The following SEC16A variants were observed in gnomAD, a reference collection of about 807,000 sequenced individuals.
SEC16A encodes SEC16 homolog A, endoplasmic reticulum export factor.
SEC16A carries 110 observed loss-of-function variants against 221.9 expected under a neutral mutation model. The ratio of observed to expected loss-of-function variants is 0.50; its 90% CI spans 0.42 to 0.58. The LOEUF (loss-of-function observed/expected upper bound fraction) is 0.58. SEC16A is among the 20% of genes least tolerant of loss of function. The probability of loss-of-function intolerance (pLI) is 0.00; values close to 1 mark genes in which losing one functional copy is unlikely to be tolerated. For missense variants in SEC16A, 3,165 were observed against 3,097.8 expected (o/e 1.02, Z -0.52); for synonymous variants, 1,393 against 1,257.7 (o/e 1.11, Z -2.28).
Position 136,459,037 on chromosome 9 carries a change from T to C in SEC16A, c.5409+97A>G. ...TCCCCCAAAAAACTCACATCATTTT[T>C]TTCGATACCAATTCAAACAATCTAA... is the stretch of plus-strand genomic sequence containing the variant. On this transcript the variant is annotated intron_variant, in intron 17 of 31. Coordinates refer to ENST00000684901, the MANE Select transcript of SEC16A (RefSeq NM_014866.2). This position sits in a 1 kb window ranked among gnomAD's most constrained non-coding sequence, Gnocchi z 6.1. 1.3e-6 allele frequency: 1 copy of C among 774,932 alleles called. No homozygotes were observed. Among genetic ancestry groups the C allele is most frequent in the Non-Finnish European group, 2.0e-6 (1 of 499,184 alleles). 48.0% of individuals were successfully genotyped at this position (774,932 alleles called of 1,614,324 possible).
In SEC16A at chr9:136,448,078, A is replaced by G. The variant is rs1185112146; in HGVS notation, c.6390+6T>C. The G allele has an allele frequency of 6.2e-7, 1 of 1,610,788 alleles. No homozygotes were observed. The highest frequency in any genetic ancestry group is 8.5e-7 in the Non-Finnish European group (1 of 1,177,676). ...GGACGTCCCGTGCGTATTTGACAGC[A>G]CTCACCGATTTGTTCTTGTCATCTG... On this transcript the variant is annotated splice_donor_region_variant and intron_variant, in intron 24 of 31. Transcript: ENST00000684901.
Position 136,466,909 on chromosome 9 carries a change from C to G in SEC16A, c.3929+48G>C. 1.3e-6 allele frequency: 2 copies of G among 1,585,332 alleles called. No individual in the cohort carries two copies. Among genetic ancestry groups the G allele is most frequent in the Non-Finnish European group, 1.7e-6 (2 of 1,167,388 alleles). The stretch of plus-strand genomic sequence containing the variant: ...ACATGAGGGCAGAGAAGCACTAGCG[C>G]GCCCTGGCTGCCCCCAGCCTCTGCC... On this transcript the variant is annotated intron_variant, in intron 6 of 31. Transcript: ENST00000684901. This position sits in a 1 kb window ranked among gnomAD's most constrained non-coding sequence, Gnocchi z 5.5.
At chr9:136,467,193 C>T (rs577133969) in intron 5 of SEC16A, 110 bp from the exon 6 acceptor site, 7 of 1,266,554 alleles carry the variant, frequency 5.5e-6, no homozygotes, top group African/African-American at 4.5e-5. Flanking sequence ...AAGGACTCCT[C>T]GAGAAACCCA....
rs1839266362 is a variant in SEC16A at position 136,460,067 on chromosome 9, G to A, written c.5048C>T (p.Ser1683Phe). ...DPLQTVYQLM[S>F]GRMPAASTCC... Reference sequence around the variant, plus strand: ...CGTGGACGCGGCAGGCATCCGTCCGGACATGAGCTGGTAGACTGTCTGCAG... The same window carrying A: ...CGTGGACGCGGCAGGCATCCGTCCGAACATGAGCTGGTAGACTGTCTGCAG... The change falls in exon 14 of 32, where the codon TCC (serine) becomes TTC (phenylalanine). Residue 1683 changes from serine to phenylalanine, a missense_variant. Coordinates refer to ENST00000684901, the MANE Select transcript of SEC16A (RefSeq NM_014866.2). The A allele has an allele frequency of 6.2e-7, 1 of 1,606,400 alleles. No homozygotes were observed. The highest frequency in any genetic ancestry group is 8.5e-7 in the Non-Finnish European group (1 of 1,176,578).
Position 136,477,450 on chromosome 9 carries a change from C to T in SEC16A, c.166G>A (p.Ala56Thr), listed in dbSNP as rs1209144461. The change falls in exon 3 of 32, where the codon GCT becomes ACT. Residue 56 changes from alanine to threonine, a missense_variant. Physicochemically the swap from Ala to Thr is moderately conservative, Grantham distance 58. This residue lies in a region of SEC16A where 2,030 missense variants were observed against 1,923.1 expected (regional missense o/e 1.06). Transcript: ENST00000684901. ...CPLQPVTDPF[A>T]FSRQALQSTP... Reference sequence around the variant, plus strand: ...CTTTGGAGCGCCTGTCTACTAAAAGCAAATGGATCCGTGACCGGCTGCAAC... The same window carrying T: ...CTTTGGAGCGCCTGTCTACTAAAAGTAAATGGATCCGTGACCGGCTGCAAC... 6.2e-7 allele frequency: 1 copy of T among 1,613,912 alleles called. No individual in the cohort carries two copies. Among genetic ancestry groups the T allele is most frequent in the Admixed American group, 1.7e-5 (1 of 60,004 alleles).
rs1838861147 is a variant in SEC16A, at chr9:136,457,592, G to A, written c.5410-8C>T. 2 of 1,606,136 alleles carry A rather than the reference G, an allele frequency of 1.2e-6. No individual in the cohort carries two copies. The highest frequency in any genetic ancestry group is 1.7e-5 in the Admixed American group (1 of 59,248). Reference sequence around the variant, plus strand: ...GTAGATGAACTTAAACACCTGAAACGACAGAAGCCTTGCTGCCCTGCGGCT... The same window carrying A: ...GTAGATGAACTTAAACACCTGAAACAACAGAAGCCTTGCTGCCCTGCGGCT... On this transcript the variant is annotated splice_polypyrimidine_tract_variant and splice_region_variant and intron_variant, in intron 17 of 31. Transcript: ENST00000684901.
In SEC16A at chr9:136,440,501, G is replaced by A. The variant is rs1359377066; in HGVS notation, c.*1254C>T. The A allele has an allele frequency of 6.5e-6, 1 of 152,672 alleles. No individual in the cohort carries two copies. The highest frequency in any genetic ancestry group is 1.5e-5 in the Non-Finnish European group (1 of 68,046). The allele number at this position is 152,672 out of a possible 1,614,324, so 9.5% of individuals were successfully genotyped here. ...ACACCAAACAGTTTGTATTCCTCCA[G>A]CAGAACCTACAGAAATTATCTACTG... On this transcript the variant is annotated 3_prime_UTR_variant, in exon 32 of 32. Transcript: ENST00000684901.
At position 136,476,484 on chromosome 9, in the gene SEC16A, C is replaced by A; in HGVS notation, c.1132G>T (p.Gly378Trp). ...TTCTCCTCATTTTCTGTCTCTCCCC[C>A]TTGGAAAAACATCGCCAGAGCTCCT... ...ASGALAMFFQ[G>W]GETENEENLS... Residue 378 changes from glycine (G) to tryptophan (W), a missense_variant, in exon 3 of 32, where the codon GGG becomes TGG. Gly to Trp is a radical substitution (Grantham distance 184). This residue lies in a region of SEC16A where 2,030 missense variants were observed against 1,923.1 expected (regional missense o/e 1.06). Transcript: ENST00000684901. 1 of 1,613,206 alleles carries A rather than the reference C, an allele frequency of 6.2e-7. No individual in the cohort carries two copies.
intron 9 of SEC16A, 121 bp from the exon 10 acceptor site, chr9:136,463,861 G>C (rs139749743): frequency 1.0e-6 from 1 of 999,656 alleles, no homozygotes; most frequent in Admixed American, 1.8e-5. Flanking sequence ...CACCTGCCCC[G>C]CCCCACAGCA....
At chr9:136,473,825 C>G (rs1470618531) in intron 3 of SEC16A, among the ~76,000 whole-genome samples, 1 of 152,208 alleles carries the variant, frequency 6.6e-6, no homozygotes, top group East Asian at 1.9e-4. Context: ...AAGATGCTAA[C>G]GCGTGGTGTG....
chr9:136,455,937 T>C (rs991625538), intron 19 of SEC16A, 116 bp downstream of exon 19: 5 of 1,178,346 alleles, frequency 4.2e-6, no homozygotes, highest in Non-Finnish European at 4.8e-6. Context: ...GGAATTCTCA[T>C]AGGCACACGT....
chr9:136,465,642 G>A (rs546736393), intron 8 of SEC16A, among the ~76,000 whole-genome samples: 2 of 152,320 alleles, frequency 1.3e-5, no homozygotes, highest in East Asian at 1.9e-4. Flanking sequence ...CCTCCTGCAC[G>A]CCTGCTGAGC....
At chr9:136,454,401 G>A (rs1192804745) in intron 20 of SEC16A, 74 bp from the exon 21 acceptor site, 15 of 1,331,084 alleles carry the variant, frequency 1.1e-5, no homozygotes, top group African/African-American at 4.4e-5. Context: ...GCTGACACTC[G>A]ACGTGTTTAT....
intron 5 of SEC16A, 36 bp from the exon 6 acceptor site, chr9:136,467,119 T>C (rs758974481): frequency 2.5e-6 from 4 of 1,612,272 alleles, no homozygotes; most frequent in Non-Finnish European, 3.4e-6. Flanking sequence ...TACAGTAACA[T>C]GCAAAAGAAG....
chr9:136,474,195 G>A lies in SEC16A; in HGVS notation c.3421C>T (p.Pro1141Ser). The A allele has an allele frequency of 3.7e-6, 6 of 1,612,084 alleles. No individual in the cohort carries two copies. Among genetic ancestry groups the A allele is most frequent in the African/African-American group, 2.7e-5 (2 of 75,056 alleles). ...GGGGCAAGTGCAGGCACTGGCTGTG[G>A]CCACGGCTGCTCTGACGGCACAGCT... Reference protein sequence around the residue: ...QAAVPSEQPWPQPVPALAPGP... With the variant: ...QAAVPSEQPWSQPVPALAPGP... Residue 1141 changes from proline (P) to serine (S), a missense_variant, in exon 3 of 32, where the codon CCA (proline) becomes TCA (serine). By Grantham distance (74) the Pro-to-Ser change is moderately conservative. This residue lies in a region of SEC16A where 2,030 missense variants were observed against 1,923.1 expected (regional missense o/e 1.06). Coordinates refer to ENST00000684901, the MANE Select transcript of SEC16A (RefSeq NM_014866.2).
rs776734116 is a variant in SEC16A at position 136,466,417 on chromosome 9, C to A, written c.3975G>T (p.Thr1325=). The change falls in exon 7 of 32, where the codon ACG becomes ACT. Residue 1325 remains threonine (T), a synonymous_variant. Coordinates refer to ENST00000684901, the MANE Select transcript of SEC16A (RefSeq NM_014866.2). The surrounding 1 kb of genome is among the most constrained non-coding windows in gnomAD (Gnocchi z 5.5). ...DNNWRYDPRF[T]GSFDDDPDPH... ...GATCGGGGTCATCGTCAAAACTCCC[C>A]GTGAAGCGAGGATCGTACCTCCAGT... is the stretch of plus-strand genomic sequence containing the variant. 6.2e-7 allele frequency: 1 copy of A among 1,607,376 alleles called. No individual in the cohort carries two copies. The highest frequency in any genetic ancestry group is 8.5e-7 in the Non-Finnish European group (1 of 1,177,164).
At chr9:136,465,733 G>C (rs550579422) in intron 8 of SEC16A, among the ~76,000 whole-genome samples, 2 of 152,182 alleles carry the variant, frequency 1.3e-5, no homozygotes, top group African/African-American at 2.4e-5. Context: ...ACTTTAAAAC[G>C]CATGTCGGGG....
chr9:136,459,808 T>C lies in SEC16A; in HGVS notation c.5140A>G (p.Asn1714Asp). The C allele has an allele frequency of 1.9e-6, 3 of 1,613,494 alleles. No individual in the cohort carries two copies. The highest frequency in any genetic ancestry group is 2.5e-6 in the Non-Finnish European group (3 of 1,179,688). ...HLAMVLSNLN[N>D]NMDVESRTMA... ...GTCCTGGACTCGACGTCCATGTTGT[T>C]GTTCAAGTTGGACAAGACCATGGCG... Residue 1714 changes from asparagine (N) to aspartate (D), a missense_variant, in exon 15 of 32, where the codon AAC becomes GAC. Coordinates refer to ENST00000684901, the MANE Select transcript of SEC16A (RefSeq NM_014866.2). This position sits in a 1 kb window ranked among gnomAD's most constrained non-coding sequence, Gnocchi z 6.1.
Position 136,455,993 on chromosome 9 carries a change from T to G in SEC16A, c.5664+60A>C. ...CAGATACATACTTTCAGTGTGGAAA[T>G]GACAGGGACAGAAGCCACCTTGCCA... is the stretch of plus-strand genomic sequence containing the variant. On this transcript the variant is annotated intron_variant, in intron 19 of 31. Coordinates refer to ENST00000684901, the MANE Select transcript of SEC16A (RefSeq NM_014866.2). The G allele has an allele frequency of 2.2e-6, 3 of 1,381,420 alleles. No homozygotes were observed. The South Asian group carries it at 3.6e-5, about 17-fold the overall frequency. 85.6% of individuals were successfully genotyped at this position (1,381,420 alleles called of 1,614,324 possible).
Sources: allele counts gnomAD v4.1 joint callset (sites outside exome capture counted in the v4.1 genomes callset), GRCh38; gene constraint gnomAD v4.1.1; regional missense constraint gnomAD v4.1.1; non-coding constraint Gnocchi (gnomAD v3.1); transcripts MANE v1.5; gene names NCBI Gene and HGNC (gene_info 2026-07-23, HGNC 2026-07-21).